The following LRRC69 variants were observed in gnomAD, a reference collection of about 807,000 sequenced individuals.
LRRC69 encodes leucine rich repeat containing 69, also known as leucine-rich repeat-containing protein 69.
In LRRC69, 42 loss-of-function variants were observed where a neutral mutation model predicts 37.8. That is an observed-to-expected ratio of 1.11 (90% CI 0.87 to 1.44). LRRC69 has a LOEUF of 1.44. Among genes scored for constraint, LRRC69 ranks in the 40% most tolerant of loss-of-function variants. LRRC69 has a pLI of 0.00. For missense variants in LRRC69, 357 were observed against 401.9 expected (o/e 0.89, Z 0.96); for synonymous variants, 141 against 143.1 (o/e 0.99, Z 0.11).
chr8:91,114,429 GA>G (rs1813471035), intron 1 of LRRC69, among the ~76,000 whole-genome samples: 1 of 140,976 alleles, frequency 7.1e-6, no homozygotes, highest in South Asian at 2.3e-4. Flanking sequence ...AATGAATAAA[GA>G]AAATGTTTGT....
chr8:91,145,599 AT>A (rs2130536108), intron 5 of LRRC69, among the ~76,000 whole-genome samples: 1 of 152,054 alleles, frequency 6.6e-6, no homozygotes, highest in African/African-American at 2.4e-5. Context: ...GGAGCCATAC[AT>A]TTAAAACAAC....
At chr8:91,211,614 ATAT>A (rs1443009832) in intron 7 of LRRC69, among the ~76,000 whole-genome samples, 4 of 140,748 alleles carry the variant, frequency 2.8e-5, no homozygotes, top group African/African-American at 1.1e-4. Flanking sequence ...ATATATATAT[ATAT>A]TTTTTTTTTA....
At chr8:91,147,294 ATATT>A (rs911301948) in intron 5 of LRRC69, among the ~76,000 whole-genome samples, 4 of 147,774 alleles carry the variant, frequency 2.7e-5, no homozygotes, top group African/African-American at 9.8e-5. Context: ...AACATATTAT[ATATT>A]ATATATATTT....
chr8:91,109,450 C>T (rs1452212914), intron 1 of LRRC69, among the ~76,000 whole-genome samples: 2 of 151,984 alleles, frequency 1.3e-5, no homozygotes, highest in African/African-American at 2.4e-5. Flanking sequence ...AAATTTTAGC[C>T]GAACCTTCAA....
chr8:91,109,863 C>T (rs1037518011), intron 1 of LRRC69, among the ~76,000 whole-genome samples: 1 of 151,952 alleles, frequency 6.6e-6, no homozygotes, highest in Non-Finnish European at 1.5e-5. Flanking sequence ...TTGAAATTGG[C>T]AGTTATTCAT....
rs1312105000 is a variant in LRRC69 at position 91,127,924 on chromosome 8, A to G, written c.383+764A>G. ...AACATCTATTCCAATTTACTTGTCT[A>G]TACCTCTGGCCAATGTATTATTTTT... On this transcript the variant is annotated intron_variant, in intron 3 of 7. Transcript: ENST00000448384. Among the ~76,000 whole-genome samples, 3 of 152,072 alleles carry G rather than the reference A, an allele frequency of 2.0e-5. No individual in the cohort carries two copies. In the East Asian group the frequency reaches 5.8e-4, roughly 29 times the overall value.
intron 5 of LRRC69, among the ~76,000 whole-genome samples, chr8:91,160,501 G>A (rs1456302451): frequency 6.6e-6 from 1 of 151,112 alleles, no homozygotes; most frequent in African/African-American, 2.4e-5. Flanking sequence ...GAGGGACCTG[G>A]TGGGAGGTGA....
rs116736997 is a variant in LRRC69, at chr8:91,174,354, C to T, written c.652-15168C>T. ...AAAAGCATTCAAGAACCCCTTAAAA[C>T]ATATAGTCTAATACAGAAGAACAAA... On this transcript the variant is annotated intron_variant, in intron 5 of 7. Transcript: ENST00000448384. Among the ~76,000 whole-genome samples the T allele has an allele frequency of 6.4e-3, 970 of 152,222 alleles. 10 individuals carry two copies. The highest frequency in any genetic ancestry group is 0.023 in the African/African-American group (943 of 41,540).
chr8:91,214,099 G>C (rs768560649), intron 7 of LRRC69, among the ~76,000 whole-genome samples: 16 of 152,148 alleles, frequency 1.1e-4, no homozygotes, highest in African/African-American at 2.2e-4. Context: ...AAGAGAAGCT[G>C]AAGATAAGAG....
intron 7 of LRRC69, among the ~76,000 whole-genome samples, chr8:91,203,409 C>T (rs1032980124): frequency 1.8e-4 from 27 of 149,818 alleles, no homozygotes; most frequent in South Asian, 2.1e-4. Flanking sequence ...TTTTTCTTTC[C>T]GAGACAAAGT....
At chr8:91,194,966 G>C (rs79719449) in intron 6 of LRRC69, among the ~76,000 whole-genome samples, 3,691 of 152,122 alleles carry the variant, frequency 0.024, 164 homozygotes, top group African/African-American at 0.083. Context: ...TTCCTGCTTT[G>C]TCTTGTGGGC....
chr8:91,136,779 A>G (rs1299027935), intron 5 of LRRC69, among the ~76,000 whole-genome samples: 1 of 152,012 alleles, frequency 6.6e-6, no homozygotes, highest in Non-Finnish European at 1.5e-5. Context: ...TACTCTAGGT[A>G]CTCTAGGTAC....
intron 5 of LRRC69, among the ~76,000 whole-genome samples, chr8:91,166,512 A>C (rs990008094): frequency 7.6e-6 from 1 of 131,032 alleles, no homozygotes; most frequent in East Asian, 2.2e-4. Context: ...AAAAAAAAAA[A>C]AAAACCTATG....
intron 4 of LRRC69, among the ~76,000 whole-genome samples, chr8:91,133,911 C>T (rs1161978038): frequency 6.6e-6 from 1 of 152,086 alleles, no homozygotes; most frequent in South Asian, 2.1e-4. Flanking sequence ...GGATTATAGG[C>T]GTGAGCCACC....
chr8:91,107,464 C>T lies in LRRC69; in HGVS notation c.183+4620C>T, dbSNP rs375280358. On this transcript the variant is annotated intron_variant, in intron 1 of 7. Transcript: ENST00000448384. ...TAGTGATTCTTTTAACAAATATTTA[C>T]CATTCATTTTCTTGCATCTATGCTG... Among the ~76,000 whole-genome samples, 24 of 152,008 alleles carry T rather than the reference C, an allele frequency of 1.6e-4. No homozygotes were observed. The East Asian group carries it at 3.7e-3, about 23-fold the overall frequency.
Position 91,133,958 on chromosome 8 carries a change from A to G in LRRC69, c.579+653A>G, listed in dbSNP as rs1813858255. On this transcript the variant is annotated intron_variant, in intron 4 of 7. Transcript: ENST00000448384. ...TGATATTTCAATTTAAGTGAGCATT[A>G]TATATTTTATCTGGTAACGATGTAT... Among the ~76,000 whole-genome samples the G allele has an allele frequency of 1.3e-5, 2 of 151,916 alleles. 1 individual carries two copies. The highest frequency in any genetic ancestry group is 4.2e-4 in the South Asian group (2 of 4,818).
At chr8:91,119,372 G>C (rs146705230) in intron 1 of LRRC69, among the ~76,000 whole-genome samples, 5 of 152,048 alleles carry the variant, frequency 3.3e-5, no homozygotes, top group African/African-American at 9.6e-5. Flanking sequence ...ATCTTCCTTT[G>C]GTTATCCTAT....
intron 6 of LRRC69, among the ~76,000 whole-genome samples, chr8:91,191,438 A>G (rs1809494667): frequency 6.6e-6 from 1 of 152,192 alleles, no homozygotes; most frequent in African/African-American, 2.4e-5. Flanking sequence ...ACAGGAATAA[A>G]CTAATTTAGT....
At chr8:91,144,290 G>A (rs111559590) in intron 5 of LRRC69, among the ~76,000 whole-genome samples, 2 of 151,926 alleles carry the variant, frequency 1.3e-5, no homozygotes, top group African/African-American at 2.4e-5. Context: ...AAGGGTGGCT[G>A]GTTTCAGCAG....
Sources: gnomAD v4.1 joint callset for allele counts (sites outside exome capture counted in the v4.1 genomes callset) on GRCh38, gnomAD v4.1.1 for gene constraint, MANE v1.5 for transcripts, NCBI Gene and HGNC (gene_info 2026-07-23, HGNC 2026-07-21) for gene names.